Variants in INTS1 observed in about 807,000 individuals in gnomAD.
The protein encoded by INTS1 is integrator complex subunit 1.
A neutral mutation model predicts 241.6 loss-of-function variants in INTS1; 137 were observed. That is an observed-to-expected ratio of 0.57 (90% CI 0.49 to 0.65). The LOEUF is 0.65. INTS1 is among the 30% of genes least tolerant of loss of function. The pLI, the probability that INTS1 is intolerant of heterozygous loss-of-function variation, is 0.00. For missense variants in INTS1, 3,073 were observed against 3,032.2 expected, an observed-to-expected ratio of 1.01 and a Z score of -0.32; for synonymous variants, 1,692 against 1,337.8, an observed-to-expected ratio of 1.26 and a Z score of -5.78.
chr7:1,489,448 A>C (rs1478369968), intron 17 of INTS1, 44 bp from the exon 18 acceptor site: 1 of 1,584,658 alleles, frequency 6.3e-7, no homozygotes, highest in East Asian at 2.3e-5. Context: ...TCCCCTGGGC[A>C]CCAGGCGTGT....
intron 44 of INTS1, 89 bp downstream of exon 44, chr7:1,472,184 T>C: frequency 9.9e-7 from 1 of 1,005,702 alleles, no homozygotes; most frequent in Non-Finnish European, 1.5e-6. Context: ...CACGCCAAAG[T>C]CAGTGCCCAA....
At chr7:1,479,772 T>C in intron 30 of INTS1, 88 bp from the exon 31 acceptor site, 2 of 1,343,898 alleles carry the variant, frequency 1.5e-6, no homozygotes, top group Non-Finnish European at 2.0e-6. Context: ...TGCAGCTCCG[T>C]GCCAGAACCG....
Position 1,477,537 on chromosome 7 carries a change from G to A in INTS1, c.4938+13C>T. ...TGGGGTGGGTCCCCGTGCTGAAGCTGGGTGCCACCCACCTTCCTCCGGGAG... is the reference window on the plus strand; with the variant it reads ...TGGGGTGGGTCCCCGTGCTGAAGCTAGGTGCCACCCACCTTCCTCCGGGAG... On this transcript the variant is annotated intron_variant, in intron 35 of 47. Transcript: ENST00000404767. The A allele has an allele frequency of 6.7e-7, 1 of 1,501,426 alleles. No homozygotes were observed. The highest frequency in any genetic ancestry group is 8.9e-7 in the Non-Finnish European group (1 of 1,126,698). The allele number at this position is 1,501,426 out of a possible 1,614,324, so 93.0% of individuals were successfully genotyped here.
chr7:1,498,562 G>A lies in INTS1; in HGVS notation c.1284-9C>T. 1 of 1,613,396 alleles carries A rather than the reference G, an allele frequency of 6.2e-7. No homozygotes were observed. The highest frequency in any genetic ancestry group is 8.5e-7 in the Non-Finnish European group (1 of 1,179,816). ...GCGCGCTCAGCAGCTCCCTGGGTGA[G>A]GTGAGGGTACAGACCCTGTCCCCGC... On this transcript the variant is annotated splice_polypyrimidine_tract_variant and intron_variant, in intron 9 of 47. Transcript: ENST00000404767.
intron 16 of INTS1, among the ~76,000 whole-genome samples, chr7:1,492,424 G>A (rs552498459): frequency 2.6e-4 from 39 of 152,306 alleles, no homozygotes; most frequent in Middle Eastern, 6.8e-3. Context: ...GAGCAGCTGC[G>A]TGGGCTGCGC....
chr7:1,474,609 GT>G, intron 40 of INTS1, 95 bp downstream of exon 40: 1 of 1,426,998 alleles, frequency 7.0e-7, no homozygotes, highest in Non-Finnish European at 9.3e-7. Context: ...TTTTTTTGTT[GT>G]TTTTGGAGTT....
At chr7:1,482,736 T>A (rs559596242) in intron 26 of INTS1, 29 bp from the exon 27 acceptor site, 6 of 1,608,330 alleles carry the variant, frequency 3.7e-6, no homozygotes, top group Admixed American at 3.4e-5. Context: ...GTGAGCAGCC[T>A]TCAGACCCAC....
In INTS1 at chr7:1,470,879, G is replaced by A. The variant is rs953498915; in HGVS notation, c.6424C>T (p.Arg2142Trp). 1.8e-5 allele frequency: 28 copies of A among 1,594,446 alleles called. No homozygotes were observed. The highest frequency in any genetic ancestry group is 2.0e-5 in the Non-Finnish European group (24 of 1,171,512). The change falls in exon 47 of 48, where the codon CGG (arginine) becomes TGG (tryptophan). Residue 2142 changes from arginine to tryptophan, a missense_variant. Coordinates refer to ENST00000404767, the MANE Select transcript of INTS1 (RefSeq NM_001080453.3). ...QDFEVVQTAL[R>W]NLPEYALLCQ... ...AGGAGAGCGTACTCAGGCAGGTTCC[G>A]GAGGGCCGTCTGCACCACCTCAAAG...
Position 1,497,210 on chromosome 7 carries a change from G to T in INTS1, c.1530C>A (p.Ile510=), listed in dbSNP as rs1188419101. The T allele has an allele frequency of 6.2e-7, 1 of 1,612,940 alleles. No homozygotes were observed. The highest frequency in any genetic ancestry group is 1.7e-5 in the Admixed American group (1 of 59,938). The change falls in exon 11 of 48, where the codon ATC becomes ATA. Residue 510 remains isoleucine (I), a synonymous_variant. Coordinates refer to ENST00000404767, the MANE Select transcript of INTS1 (RefSeq NM_001080453.3). The surrounding 1 kb of genome is among the most constrained non-coding windows in gnomAD (Gnocchi z 5.3). The part of the protein sequence containing the change: ...REIIKQTKHE[I]NFQAFCLGLM... The stretch of plus-strand genomic sequence containing the variant: ...GCCCCAGGCAGAAGGCCTGGAAGTT[G>T]ATCTCGTGCTTGGTCTGCTTGATGA...
At chr7:1,482,111 C>T (rs1443394132) in intron 27 of INTS1, among the ~76,000 whole-genome samples, 1 of 152,194 alleles carries the variant, frequency 6.6e-6, no homozygotes, top group East Asian at 1.9e-4. Context: ...TGTCTCCTCA[C>T]TGTGAGCAGG....
Position 1,489,628 on chromosome 7 carries a change from G to A in INTS1, c.2220C>T (p.Leu740=), listed in dbSNP as rs895847848. ...ISTLYWKAWP[L]LLVVAAFNPE... is the part of the protein sequence containing the mutation. Reference sequence around the variant, plus strand: ...GGTTGAATGCGGCGACGACCAGCAGGAGGGGCCAGGCCTTCCAGTAGAGGG... The same window carrying A: ...GGTTGAATGCGGCGACGACCAGCAGAAGGGGCCAGGCCTTCCAGTAGAGGG... The change falls in exon 17 of 48, where the codon CTC becomes CTT. Residue 740 remains leucine (L), a synonymous_variant. Coordinates refer to ENST00000404767, the MANE Select transcript of INTS1 (RefSeq NM_001080453.3). The A allele has an allele frequency of 6.3e-7, 1 of 1,591,624 alleles. No individual in the cohort carries two copies. Among genetic ancestry groups the A allele is most frequent in the Non-Finnish European group, 8.6e-7 (1 of 1,168,094 alleles).
In INTS1 at chr7:1,477,781, C is replaced by T. The variant is rs368741346; in HGVS notation, c.4786G>A (p.Gly1596Arg). Residue 1596 changes from glycine (G) to arginine (R), a missense_variant, in exon 34 of 48, where the codon GGG becomes AGG. Gly to Arg is a moderately radical substitution (Grantham distance 125). Transcript: ENST00000404767. Reference sequence around the variant, plus strand: ...CCACCGTCCGCACCCGGCTTCCCCCCAGCCAGGGGCTCCTCCTCCTGCAGC... The same window carrying T: ...CCACCGTCCGCACCCGGCTTCCCCCTAGCCAGGGGCTCCTCCTCCTGCAGC... ...LLLQEEEPLA[G>R]GKPGADGGSL... 6.2e-7 allele frequency: 1 copy of T among 1,612,464 alleles called. No homozygotes were observed. Among genetic ancestry groups the T allele is most frequent in the African/African-American group, 1.3e-5 (1 of 75,070 alleles).
In INTS1 at chr7:1,493,106, T is replaced by C. The variant is rs1409610513; in HGVS notation, c.2069A>G (p.Asp690Gly). Residue 690 changes from aspartate (D) to glycine (G), a missense_variant and splice_region_variant, in exon 16 of 48, where the codon GAT becomes GGT. By Grantham distance (94) the Asp-to-Gly change is moderately conservative. Coordinates refer to ENST00000404767, the MANE Select transcript of INTS1 (RefSeq NM_001080453.3). This position sits in a 1 kb window ranked among gnomAD's most constrained non-coding sequence, Gnocchi z 5.3. Reference sequence around the variant, plus strand: ...CCTCCCCACCTTCAGCACCTCCACATCTAAGACCAAGAGCCACACATGGGT... The same window carrying C: ...CCTCCCCACCTTCAGCACCTCCACACCTAAGACCAAGAGCCACACATGGGT... ...VKRAAAVQAD[D>G]VEVLKVGRTQ... is the part of the protein sequence containing the mutation. 1 of 1,612,172 alleles carries C rather than the reference T, an allele frequency of 6.2e-7. No homozygotes were observed. The highest frequency in any genetic ancestry group is 1.1e-5 in the South Asian group (1 of 91,046).
chr7:1,491,401 T>G (rs1782541451), intron 16 of INTS1, among the ~76,000 whole-genome samples: 1 of 152,178 alleles, frequency 6.6e-6, no homozygotes, highest in South Asian at 2.1e-4. Flanking sequence ...CACACAGGAA[T>G]GAAGCCGGAC....
chr7:1,485,267 G>T (rs201767625), intron 23 of INTS1, 23 bp downstream of exon 23: 4 of 1,598,830 alleles, frequency 2.5e-6, no homozygotes, highest in Non-Finnish European at 3.4e-6. Flanking sequence ...TTTCCCTGCC[G>T]CGGCCCCGGT....
intron 33 of INTS1, 143 bp from the exon 34 acceptor site, chr7:1,478,079 T>C (rs1182435603): frequency 4.0e-6 from 3 of 758,194 alleles, no homozygotes; most frequent in Non-Finnish European, 6.5e-6. Flanking sequence ...GAGAGGAGAG[T>C]GCAGCCGGGG....
In INTS1 at chr7:1,484,099, G is replaced by T; in HGVS notation, c.3333C>A (p.Ala1111=). The change falls in exon 25 of 48, where the codon GCC becomes GCA. Residue 1111 remains alanine, a synonymous_variant. Coordinates refer to ENST00000404767, the MANE Select transcript of INTS1 (RefSeq NM_001080453.3). ...SHLFSKLSPS[A]ASDAVLSALL... ...GAGCGCTCAGCACGGCGTCCGACGCGGCACTCGGGGAGAGCTTCGAGAAGA... is the reference window on the plus strand; with the variant it reads ...GAGCGCTCAGCACGGCGTCCGACGCTGCACTCGGGGAGAGCTTCGAGAAGA... 1 of 1,612,488 alleles carries T rather than the reference G, an allele frequency of 6.2e-7. No homozygotes were observed. The highest frequency in any genetic ancestry group is 1.1e-5 in the South Asian group (1 of 91,088).
intron 3 of INTS1, among the ~76,000 whole-genome samples, chr7:1,502,566 C>A (rs1783241499): frequency 6.6e-6 from 1 of 152,162 alleles, no homozygotes; most frequent in African/African-American, 2.4e-5. Context: ...ACCTTGAGAA[C>A]AGACACCTGG....
chr7:1,480,293 A>G (rs753860380), intron 30 of INTS1, 24 bp downstream of exon 30: 2 of 1,585,546 alleles, frequency 1.3e-6, no homozygotes, highest in South Asian at 2.2e-5. Flanking sequence ...GCAGGTGGAG[A>G]CCCACATGCA....
Sources: gnomAD v4.1 joint callset for allele counts (sites outside exome capture counted in the v4.1 genomes callset) on GRCh38, gnomAD v4.1.1 for gene constraint, Gnocchi (gnomAD v3.1) non-coding constraint, MANE v1.5 for transcripts, NCBI Gene and HGNC (gene_info 2026-07-23, HGNC 2026-07-21) for gene names.